FRMD4B: variants seen among roughly 807,000 people sequenced by gnomAD.
FRMD4B encodes FERM domain containing 4B.
In FRMD4B, 74 loss-of-function variants were observed where a neutral mutation model predicts 141.5. The ratio of observed to expected loss-of-function variants is 0.52; its 90% CI spans 0.43 to 0.63. The LOEUF (loss-of-function observed/expected upper bound fraction) is 0.63, where lower values mean the gene tolerates loss of function less well. Ranked by LOEUF, FRMD4B falls within the 30% of genes least tolerant of loss-of-function variation. The pLI, the probability that FRMD4B is intolerant of heterozygous loss-of-function variation, is 0.00. For missense variants in FRMD4B, 1,366 were observed against 1,253.4 expected, an observed-to-expected ratio of 1.09 and a Z score of -1.36; for synonymous variants, 506 against 467.9, an observed-to-expected ratio of 1.08 and a Z score of -1.05.
chr3:69,200,646 G>T (rs72930244), intron 11 of FRMD4B: 1 of 1,231,732 alleles, frequency 8.1e-7, no homozygotes, highest in Non-Finnish European at 1.0e-6. Context: ...TCAGGGAGAG[G>T]AGGGCAAAGT....
chr3:69,314,172 A>AAAAAAC, intron 1 of FRMD4B, among the ~76,000 whole-genome samples: 2 of 112,274 alleles, frequency 1.8e-5, no homozygotes, highest in Non-Finnish European at 3.8e-5. Context: ...AAAAAAAAAA[A>AAAAAAC]AGCCTCTCCA....
At chr3:69,382,011 T>C (rs1286542850) in intron 1 of FRMD4B, among the ~76,000 whole-genome samples, 4 of 152,126 alleles carry the variant, frequency 2.6e-5, no homozygotes, top group African/African-American at 9.7e-5. Flanking sequence ...TAGATTTTTG[T>C]TTGTTTGTCA....
chr3:69,190,571 C>A (rs563846601), intron 17 of FRMD4B, among the ~76,000 whole-genome samples: 1 of 152,072 alleles, frequency 6.6e-6, no homozygotes, highest in Admixed American at 6.6e-5. Flanking sequence ...TGCAGCACCA[C>A]GCCTGGCTAA....
chr3:69,353,568 C>T, intron 1 of FRMD4B: 8 of 985,286 alleles, frequency 8.1e-6, no homozygotes, highest in Non-Finnish European at 9.6e-6. Context: ...GACCTCGGCT[C>T]ATTTAAAGGA....
rs773006929 is a variant in FRMD4B, at chr3:69,175,066, C to T, written c.2984+1458G>A. Among the ~76,000 whole-genome samples the T allele has an allele frequency of 4.0e-5, 6 of 151,764 alleles. No homozygotes were observed. The South Asian group carries it at 8.3e-4, about 21-fold the overall frequency. On this transcript the variant is annotated intron_variant, in intron 22 of 22. Coordinates refer to ENST00000398540, the MANE Select transcript of FRMD4B (RefSeq NM_015123.3). ...AGCCAAGAAAAACTCCCACTGAATG[C>T]GGAGGAAAAAAAAAGGCATTTGGGG...
intron 1 of FRMD4B, chr3:69,333,920 T>C (rs562503282): frequency 1.3e-5 from 2 of 152,324 alleles, no homozygotes; most frequent in East Asian, 3.9e-4. Context: ...TATTTTTCTT[T>C]TATTTACAGA....
intron 7 of FRMD4B, among the ~76,000 whole-genome samples, chr3:69,232,200 T>C (rs975938550): frequency 2.0e-5 from 3 of 152,198 alleles, no homozygotes; most frequent in Admixed American, 1.3e-4. Flanking sequence ...TATGTTATTT[T>C]AAAGATGCAC....
chr3:69,249,874 A>T (rs1022195922), intron 6 of FRMD4B, among the ~76,000 whole-genome samples, 169 bp downstream of exon 6: 1 of 152,186 alleles, frequency 6.6e-6, no homozygotes, highest in Non-Finnish European at 1.5e-5. Context: ...TAGCTCATGC[A>T]AACTATTCTA....
At chr3:69,226,797 G>A (rs1294041600) in intron 7 of FRMD4B, among the ~76,000 whole-genome samples, 1 of 152,180 alleles carries the variant, frequency 6.6e-6, no homozygotes, top group East Asian at 1.9e-4. Context: ...TCAGCCAAAA[G>A]GGAAAGGAGA....
At chr3:69,352,075 G>T (rs1431350695) in intron 1 of FRMD4B, among the ~76,000 whole-genome samples, 4 of 152,120 alleles carry the variant, frequency 2.6e-5, no homozygotes, top group Non-Finnish European at 5.9e-5. Context: ...CACAGAGTAT[G>T]CTCTGGAGTG....
chr3:69,540,167 TG>T (rs1701150688), intron 1 of FRMD4B, among the ~76,000 whole-genome samples: 2 of 143,190 alleles, frequency 1.4e-5, no homozygotes, highest in Non-Finnish European at 3.0e-5. Context: ...CACTCCACTC[TG>T]GGTGACAGAG....
chr3:69,422,077 T>C (rs1559522981), intron 2 of FRMD4B, among the ~76,000 whole-genome samples: 2 of 152,136 alleles, frequency 1.3e-5, no homozygotes, highest in Non-Finnish European at 2.9e-5. Context: ...TCATAGGGAT[T>C]TGAAATCTAA....
rs11128117 is a variant in FRMD4B at position 69,169,199 on chromosome 3, G to C, written c.*2662C>G. ...AACCATGGTATTTTGTAATAAAAAA[G>C]AGGAAACGTACATGTTGAATAATGT... On this transcript the variant is annotated 3_prime_UTR_variant, in exon 23 of 23. Coordinates refer to ENST00000398540, the MANE Select transcript of FRMD4B (RefSeq NM_015123.3). 6.6e-6 allele frequency among the ~76,000 whole-genome samples: 1 copy of C among 152,196 alleles called. No homozygotes were observed. Among genetic ancestry groups the C allele is most frequent in the Non-Finnish European group, 1.5e-5 (1 of 68,008 alleles).
At chr3:69,451,688 A>G (rs917828128) in intron 1 of FRMD4B, among the ~76,000 whole-genome samples, 8 of 152,278 alleles carry the variant, frequency 5.3e-5, no homozygotes, top group Admixed American at 1.3e-4. Flanking sequence ...GGTGGGTAAG[A>G]TGGTTTACTT....
intron 1 of FRMD4B, among the ~76,000 whole-genome samples, chr3:69,487,131 T>C (rs1372869415): frequency 1.3e-5 from 2 of 152,206 alleles, no homozygotes; most frequent in Non-Finnish European, 2.9e-5. Context: ...ATTTTGCATG[T>C]ACTGAATCTC....
chr3:69,219,586 G>C (rs7616440), intron 9 of FRMD4B, among the ~76,000 whole-genome samples: 124,763 of 152,046 alleles, frequency 0.82, 52,504 homozygotes, highest in East Asian at 0.99. Flanking sequence ...GAAAGAATAA[G>C]ACTCTGCATT....
chr3:69,217,546 C>T (rs1228413431), intron 10 of FRMD4B, among the ~76,000 whole-genome samples: 6 of 152,112 alleles, frequency 3.9e-5, no homozygotes, highest in East Asian at 3.9e-4. Context: ...TGATCAAACC[C>T]GGGAGGCAGA....
chr3:69,204,671 T>G (rs1421859789), intron 11 of FRMD4B, among the ~76,000 whole-genome samples: 1 of 152,202 alleles, frequency 6.6e-6, no homozygotes. Context: ...CCATCAAATG[T>G]TTATGTGACT....
chr3:69,519,997 C>CATATATATATATATAT (rs71618288), intron 1 of FRMD4B, among the ~76,000 whole-genome samples: 2 of 88,364 alleles, frequency 2.3e-5, no homozygotes, highest in African/African-American at 5.1e-5. Flanking sequence ...AGTAGTATTC[C>CATATATATATATATAT]ATATATATAT....
Sources: gnomAD v4.1 joint callset for allele counts (sites outside exome capture counted in the v4.1 genomes callset) on GRCh38, gnomAD v4.1.1 for gene constraint, MANE v1.5 for transcripts, NCBI Gene and HGNC (gene_info 2026-07-23, HGNC 2026-07-21) for gene names.